UST: variants seen among roughly 807,000 people sequenced by gnomAD.
UST encodes the protein chondroitin sulfate 2-O-sulfotransferase.
In UST, 21 loss-of-function variants were observed where a neutral mutation model predicts 45.6. The ratio of observed to expected loss-of-function variants is 0.46; its 90% CI spans 0.33 to 0.66. The LOEUF is 0.66. Ranked by LOEUF, UST falls within the 30% of genes least tolerant of loss-of-function variation. UST has a pLI of 0.02. For missense variants in UST, 463 were observed against 512.4 expected, an observed-to-expected ratio of 0.90 and a Z score of 0.93; for synonymous variants, 215 against 200.6, an observed-to-expected ratio of 1.07 and a Z score of -0.61.
chr6:148,814,818 G>A (rs932338505), intron 1 of UST, among the ~76,000 whole-genome samples: 1 of 152,142 alleles, frequency 6.6e-6, no homozygotes, highest in African/African-American at 2.4e-5. Flanking sequence ...AGGGTGATGG[G>A]GGCTTCACTG....
At chr6:148,819,870 C>T (rs528706927) in intron 1 of UST, among the ~76,000 whole-genome samples, 3 of 152,330 alleles carry the variant, frequency 2.0e-5, no homozygotes, top group Admixed American at 6.5e-5. Flanking sequence ...ATTATCTACA[C>T]CTCCTTCCAT....
Position 149,021,313 on chromosome 6 carries a change from T to C in UST, c.780-11T>C. The C allele has an allele frequency of 1.9e-6, 3 of 1,588,064 alleles. No homozygotes were observed. The highest frequency in any genetic ancestry group is 2.3e-5 in the East Asian group (1 of 43,184). On this transcript the variant is annotated splice_polypyrimidine_tract_variant and intron_variant, in intron 6 of 7. Coordinates refer to ENST00000367463, the MANE Select transcript of UST (RefSeq NM_005715.3). ...ATGTCTGATTTTAAATAAATTTTTA[T>C]ATCCATAAAGGGAGCCTGGTGAATG...
At chr6:148,948,049 C>T (rs1343561224) in intron 3 of UST, among the ~76,000 whole-genome samples, 1 of 152,156 alleles carries the variant, frequency 6.6e-6, no homozygotes, top group Non-Finnish European at 1.5e-5. Context: ...TTGCCTTGAT[C>T]ATGTCATTGC....
intron 5 of UST, among the ~76,000 whole-genome samples, chr6:148,992,827 A>G (rs1397098111): frequency 1.3e-5 from 2 of 152,202 alleles, no homozygotes; most frequent in East Asian, 1.9e-4. Context: ...GAAATAACCA[A>G]TACTTGAGGG....
chr6:148,871,918 C>T (rs1778566243), intron 1 of UST, among the ~76,000 whole-genome samples: 1 of 152,188 alleles, frequency 6.6e-6, no homozygotes, highest in Non-Finnish European at 1.5e-5. Context: ...TCTTAACCTT[C>T]ACTATTAACC....
At chr6:148,767,294 A>C (rs1000152056) in intron 1 of UST, among the ~76,000 whole-genome samples, 27 of 152,242 alleles carry the variant, frequency 1.8e-4, no homozygotes, top group African/African-American at 6.5e-4. Context: ...AAGAACATTA[A>C]GTATTTCTTA....
At chr6:148,973,921 A>G (rs1470770532) in intron 5 of UST, among the ~76,000 whole-genome samples, 5 of 152,254 alleles carry the variant, frequency 3.3e-5, no homozygotes, top group African/African-American at 1.2e-4. Context: ...CAGTTTTTCT[A>G]ATAAATGTAA....
intron 5 of UST, among the ~76,000 whole-genome samples, chr6:148,993,900 C>G (rs1781400538): frequency 6.6e-6 from 1 of 150,746 alleles, no homozygotes; most frequent in East Asian, 1.9e-4. Flanking sequence ...CTGCAGATCA[C>G]TGGGTCAGTT....
intron 3 of UST, among the ~76,000 whole-genome samples, chr6:148,944,959 G>A (rs1305248792): frequency 6.6e-6 from 1 of 152,226 alleles, no homozygotes; most frequent in Non-Finnish European, 1.5e-5. Flanking sequence ...TGGTTAAGAG[G>A]TGACACCATC....
chr6:148,951,665 C>T lies in UST; in HGVS notation c.448-2207C>T, dbSNP rs557428517. On this transcript the variant is annotated intron_variant, in intron 3 of 7. Coordinates refer to ENST00000367463, the MANE Select transcript of UST (RefSeq NM_005715.3). ...AAGAGACCTCAAGCAATGGCAGCAA[C>T]GAGTTCAGAATATGACTGCTTGTCG... 3.7e-4 allele frequency among the ~76,000 whole-genome samples: 57 copies of T among 152,242 alleles called. 1 individual carries two copies. Among genetic ancestry groups the T allele is most frequent in the Non-Finnish European group, 6.0e-4 (41 of 68,022 alleles).
chr6:148,790,398 G>T lies in UST; in HGVS notation c.247+42721G>T, dbSNP rs1224612583. On this transcript the variant is annotated intron_variant, in intron 1 of 7. Coordinates refer to ENST00000367463, the MANE Select transcript of UST (RefSeq NM_005715.3). This position sits in a 1 kb window ranked among gnomAD's most constrained non-coding sequence, Gnocchi z 4.2. ...TTTCTGGAATAGTAGAGACCACAAG[G>T]TTCTGAAAAAGAGGCCACTGGTTCA... Among the ~76,000 whole-genome samples, 1 of 152,296 alleles carries T rather than the reference G, an allele frequency of 6.6e-6. No homozygotes were observed. Among genetic ancestry groups the T allele is most frequent in the East Asian group, 1.9e-4 (1 of 5,186 alleles).
At chr6:148,812,935 G>A (rs1209480095) in intron 1 of UST, among the ~76,000 whole-genome samples, 2 of 151,972 alleles carry the variant, frequency 1.3e-5, no homozygotes, top group African/African-American at 4.8e-5. Flanking sequence ...CCTTTTTATT[G>A]GTAAATGATA....
chr6:148,759,977 G>A (rs1320132438), intron 1 of UST, among the ~76,000 whole-genome samples: 2 of 151,308 alleles, frequency 1.3e-5, no homozygotes, highest in African/African-American at 4.9e-5. Context: ...TTCAAATCAT[G>A]TGCTGAAAGA....
chr6:148,816,390 G>A (rs1051116856), intron 1 of UST, among the ~76,000 whole-genome samples: 2 of 152,214 alleles, frequency 1.3e-5, no homozygotes, highest in Non-Finnish European at 2.9e-5. Flanking sequence ...CTTGAGAAGT[G>A]TGTCTCAGTT....
At chr6:148,906,176 A>G (rs1779354947) in intron 2 of UST, among the ~76,000 whole-genome samples, 1 of 148,642 alleles carries the variant, frequency 6.7e-6, no homozygotes, top group South Asian at 2.1e-4. Context: ...GGAGAGGTGG[A>G]TGCTTCTTGC....
intron 4 of UST, among the ~76,000 whole-genome samples, chr6:148,963,637 A>G (rs532759103): frequency 6.6e-6 from 1 of 152,328 alleles, no homozygotes; most frequent in South Asian, 2.1e-4. Context: ...CATTCTTGAT[A>G]TCCCACACAA....
intron 1 of UST, among the ~76,000 whole-genome samples, chr6:148,885,717 G>T (rs1468847827): frequency 6.6e-6 from 1 of 152,232 alleles, no homozygotes; most frequent in Non-Finnish European, 1.5e-5. Context: ...GCCAGAACCC[G>T]CTTATTTATT....
intron 2 of UST, among the ~76,000 whole-genome samples, chr6:148,893,664 T>C (rs1225353452): frequency 6.6e-6 from 1 of 152,232 alleles, no homozygotes; most frequent in African/African-American, 2.4e-5. Flanking sequence ...ATGCACAGTC[T>C]ATGCCCTCCG....
chr6:148,935,945 C>T (rs868097454), intron 2 of UST, among the ~76,000 whole-genome samples: 3 of 152,000 alleles, frequency 2.0e-5, no homozygotes, highest in African/African-American at 4.8e-5. Context: ...TTGTGATCGC[C>T]GACTGTTGAA....
Sources: gnomAD v4.1 joint callset for allele counts (sites outside exome capture counted in the v4.1 genomes callset) on GRCh38, gnomAD v4.1.1 for gene constraint, Gnocchi (gnomAD v3.1) non-coding constraint, MANE v1.5 for transcripts, NCBI Gene and HGNC (gene_info 2026-07-23, HGNC 2026-07-21) for gene names.